Variants in SEMA6A observed in about 807,000 individuals in gnomAD.
SEMA6A encodes the protein semaphorin 6A.
SEMA6A carries 25 observed loss-of-function variants against 96.8 expected under a neutral mutation model. The observed-to-expected ratio is 0.26, with a 90% confidence interval of 0.19 to 0.36. The LOEUF is 0.36. Ranked by LOEUF, SEMA6A falls within the 10% of genes least tolerant of loss-of-function variation. SEMA6A has a pLI of 1.00. For synonymous variants in SEMA6A, 612 were observed against 518.0 expected (o/e 1.18, Z -2.46); for missense variants, 1,363 against 1,323.1 (o/e 1.03, Z -0.47).
intron 6 of SEMA6A, among the ~76,000 whole-genome samples, chr5:116,493,862 A>G (rs1757449856): frequency 6.6e-6 from 1 of 152,186 alleles, no homozygotes; most frequent in Non-Finnish European, 1.5e-5. Flanking sequence ...TTCTTGCTAG[A>G]TAGCTCTATT....
At chr5:116,479,216 G>C (rs1161880629) in intron 12 of SEMA6A, among the ~76,000 whole-genome samples, 1 of 152,142 alleles carries the variant, frequency 6.6e-6, no homozygotes, top group Non-Finnish European at 1.5e-5. Flanking sequence ...GGGTGCTAAT[G>C]GCACTACTAA....
At position 116,504,867 on chromosome 5, in the gene SEMA6A, T is replaced by C; in HGVS notation, c.78A>G (p.Pro26=). 1 of 1,601,202 alleles carries C rather than the reference T, an allele frequency of 6.2e-7. No individual in the cohort carries two copies. Among genetic ancestry groups the C allele is most frequent in the Non-Finnish European group, 8.5e-7 (1 of 1,173,706 alleles). ...AGAGFPEDSE[P]ISISHGNYTK... Reference sequence around the variant, plus strand: ...TACAGTTGCCATGCGAAATACTGATTGGCTCAGAATCTTCTGGGAAACCAG... The same window carrying C: ...TACAGTTGCCATGCGAAATACTGATCGGCTCAGAATCTTCTGGGAAACCAG... The change falls in exon 2 of 19, where the codon CCA becomes CCG. Residue 26 remains proline, a synonymous_variant. Coordinates refer to ENST00000343348, the MANE Select transcript of SEMA6A (RefSeq NM_020796.5).
At chr5:116,548,247 C>CA (rs1227647148) in intron 1 of SEMA6A, among the ~76,000 whole-genome samples, 1 of 151,646 alleles carries the variant, frequency 6.6e-6, no homozygotes, top group African/African-American at 2.4e-5. Flanking sequence ...AAGGCTATCA[C>CA]ACTCTCGATA....
intron 18 of SEMA6A, among the ~76,000 whole-genome samples, chr5:116,459,288 CTT>C (rs1015741948): frequency 5.9e-5 from 9 of 152,176 alleles, no homozygotes; most frequent in Non-Finnish European, 1.3e-4. Context: ...ATTTCCCAAA[CTT>C]ATTGTGTACA....
intron 2 of SEMA6A, among the ~76,000 whole-genome samples, chr5:116,502,881 T>C (rs1757953903): frequency 6.6e-6 from 1 of 152,230 alleles, no homozygotes; most frequent in African/African-American, 2.4e-5. Context: ...GTTGGCATTC[T>C]AGGAACTGTG....
intron 1 of SEMA6A, among the ~76,000 whole-genome samples, chr5:116,551,297 T>G (rs1760394937): frequency 7.0e-6 from 1 of 143,210 alleles, no homozygotes; most frequent in African/African-American, 2.5e-5. Context: ...TAGAATCAAT[T>G]CTGCATGATA....
chr5:116,486,124 G>T (rs1757037064), intron 10 of SEMA6A, among the ~76,000 whole-genome samples: 1 of 152,126 alleles, frequency 6.6e-6, no homozygotes. Flanking sequence ...CTGTGGTTGG[G>T]GTCTGGGTTG....
chr5:116,563,663 A>G (rs544053879), intron 1 of SEMA6A, among the ~76,000 whole-genome samples: 1 of 152,374 alleles, frequency 6.6e-6, no homozygotes, highest in East Asian at 1.9e-4. Context: ...CCCGACACCC[A>G]AGAGTAATCA....
At chr5:116,486,691 C>G in intron 10 of SEMA6A, 58 bp downstream of exon 10, 1 of 1,427,582 alleles carries the variant, frequency 7.0e-7, no homozygotes. Flanking sequence ...AAGAGAACCC[C>G]CTGGGAGAAG....
chr5:116,552,851 A>G (rs893186692), intron 1 of SEMA6A, among the ~76,000 whole-genome samples: 1 of 152,214 alleles, frequency 6.6e-6, no homozygotes, highest in African/African-American at 2.4e-5. Context: ...TTGCCAAAAT[A>G]TGCTGGAAAA....
At chr5:116,463,409 A>G (rs1394638356) in intron 18 of SEMA6A, among the ~76,000 whole-genome samples, 1 of 152,236 alleles carries the variant, frequency 6.6e-6, no homozygotes, top group Non-Finnish European at 1.5e-5. Flanking sequence ...TATTGATAAC[A>G]TCTGTGATTT....
At chr5:116,559,775 C>T (rs1425303548) in intron 1 of SEMA6A, among the ~76,000 whole-genome samples, 1 of 152,136 alleles carries the variant, frequency 6.6e-6, no homozygotes, top group Non-Finnish European at 1.5e-5. Context: ...ATTTTTTACT[C>T]CTTCCCCTCC....
chr5:116,488,384 C>T (rs908782351), intron 8 of SEMA6A, among the ~76,000 whole-genome samples, 188 bp from the exon 9 acceptor site: 1 of 152,244 alleles, frequency 6.6e-6, no homozygotes, highest in African/African-American at 2.4e-5. Flanking sequence ...CACACTTACA[C>T]ATTATCTCTT....
At chr5:116,466,519 C>G (rs978994227) in intron 18 of SEMA6A, among the ~76,000 whole-genome samples, 1 of 152,044 alleles carries the variant, frequency 6.6e-6, no homozygotes, top group African/African-American at 2.4e-5. Flanking sequence ...GCAAATAGAG[C>G]AGCAGAGTGC....
chr5:116,571,195 T>C (rs1761198245), intron 1 of SEMA6A, among the ~76,000 whole-genome samples: 1 of 152,232 alleles, frequency 6.6e-6, no homozygotes, highest in Admixed American at 6.5e-5. Context: ...ATTTCATTCA[T>C]TCGACATTTA....
chr5:116,574,569 T>C lies in SEMA6A; in HGVS notation c.-423A>G, dbSNP rs1396725170. 1 of 134,082 alleles carries C rather than the reference T, an allele frequency of 7.5e-6. No homozygotes were observed. The highest frequency in any genetic ancestry group is 1.6e-5 in the Non-Finnish European group (1 of 63,634). 8.3% of individuals were successfully genotyped at this position (134,082 alleles called of 1,614,324 possible). A position where few individuals can be genotyped will look rare whatever the true frequency, so the allele number is the denominator to read the frequency against. ...GTCCCCTTGGTGGTGTCTGCGCCGA[T>C]TAACAAGTCATTTCAGGGCGGGGGG... is the stretch of plus-strand genomic sequence containing the variant. On this transcript the variant is annotated 5_prime_UTR_variant, in exon 1 of 19. The change abolishes the stop of an existing upstream ORF in the 5' untranslated region. Coordinates refer to ENST00000343348, the MANE Select transcript of SEMA6A (RefSeq NM_020796.5).
chr5:116,459,603 A>G (rs1755244606), intron 18 of SEMA6A, among the ~76,000 whole-genome samples: 1 of 152,050 alleles, frequency 6.6e-6, no homozygotes, highest in Non-Finnish European at 1.5e-5. Context: ...TTGGTCATGG[A>G]CTTTATTCAG....
At chr5:116,505,076 A>C in intron 1 of SEMA6A, 94 bp from the exon 2 acceptor site, 1 of 622,934 alleles carries the variant, frequency 1.6e-6, no homozygotes, top group Non-Finnish European at 2.8e-6. Context: ...AGAGAAAAAA[A>C]GGCTTCTGCT....
At position 116,489,230 on chromosome 5, in the gene SEMA6A, A is replaced by AT. The variant is rs1157088030; in HGVS notation, c.536-224dup. ...TTTTTCATTTTAAAATTGCATGGCA[A>AT]TTTTTTTTAAGCGGCAGCAGCAGCA... On this transcript the variant is annotated intron_variant, in intron 7 of 18. Coordinates refer to ENST00000343348, the MANE Select transcript of SEMA6A (RefSeq NM_020796.5). 7.2e-4 allele frequency among the ~76,000 whole-genome samples: 109 copies of AT among 152,056 alleles called. 3 individuals are homozygous for AT. Among genetic ancestry groups the AT allele is most frequent in the East Asian group, 2.3e-3 (12 of 5,178 alleles).
Sources: gnomAD v4.1 joint callset for allele counts (sites outside exome capture counted in the v4.1 genomes callset) on GRCh38, gnomAD v4.1.1 for gene constraint, MANE v1.5 for transcripts, NCBI Gene and HGNC (gene_info 2026-07-23, HGNC 2026-07-21) for gene names.